Variants in FAM222B observed in about 807,000 individuals in gnomAD.
The protein encoded by FAM222B is family with sequence similarity 222 member B.
Under a neutral mutation model 38.0 loss-of-function variants are expected in FAM222B, and 12 were observed. That is an observed-to-expected ratio of 0.32 (90% confidence interval 0.20 to 0.51). FAM222B has a LOEUF of 0.51. FAM222B is among the 20% of genes least tolerant of loss of function. FAM222B has a pLI of 0.97. For missense variants in FAM222B, 716 were observed against 754.2 expected (o/e 0.95, Z 0.59); for synonymous variants, 329 against 317.2 (o/e 1.04, Z -0.40).
intron 1 of FAM222B, among the ~76,000 whole-genome samples, chr17:28,835,858 A>G (rs1204355088): frequency 6.6e-6 from 1 of 151,476 alleles, no homozygotes; most frequent in Non-Finnish European, 1.5e-5. Context: ...ATTTTTTTGT[A>G]AAGAGAGGGT....
At chr17:28,777,909 C>T (rs866934739) in intron 1 of FAM222B, among the ~76,000 whole-genome samples, 10 of 151,446 alleles carry the variant, frequency 6.6e-5, no homozygotes, top group African/African-American at 2.4e-4. Context: ...CAACTTCAGC[C>T]TCCTGAGTAG....
At chr17:28,839,115 G>C (rs554279229) in intron 1 of FAM222B, among the ~76,000 whole-genome samples, 1 of 152,200 alleles carries the variant, frequency 6.6e-6, no homozygotes, top group East Asian at 1.9e-4. Flanking sequence ...GCTGAGGCAG[G>C]AGAATGGCGA....
chr17:28,804,482 G>A lies in FAM222B; in HGVS notation c.-40-37775C>T, dbSNP rs190679461. On this transcript the variant is annotated intron_variant, in intron 1 of 2. Coordinates refer to ENST00000581407, the MANE Select transcript of FAM222B (RefSeq NM_001077498.3). ...CCCGAGTAGCTGGGACTACAGGCAC[G>A]CGCCACCACGCCCAGCTAACTTTTG... 3.6e-3 allele frequency among the ~76,000 whole-genome samples: 549 copies of A among 151,958 alleles called. 3 individuals are homozygous for A. The highest frequency in any genetic ancestry group is 0.013 in the African/African-American group (534 of 41,448).
intron 1 of FAM222B, among the ~76,000 whole-genome samples, chr17:28,801,350 G>A (rs1157403177): frequency 6.6e-6 from 1 of 151,470 alleles, no homozygotes; most frequent in Non-Finnish European, 1.5e-5. Context: ...CTACTCAGGA[G>A]GCTGAGGCAG....
chr17:28,800,346 T>C (rs1428560760), intron 1 of FAM222B, among the ~76,000 whole-genome samples: 1 of 152,200 alleles, frequency 6.6e-6, no homozygotes, highest in African/African-American at 2.4e-5. Context: ...CTTTCTTAAC[T>C]AGTTGTGAGG....
At chr17:28,764,745 T>TA (rs1190420869) in intron 2 of FAM222B, among the ~76,000 whole-genome samples, 4 of 151,060 alleles carry the variant, frequency 2.6e-5, no homozygotes, top group African/African-American at 9.7e-5. Context: ...AAACTCTATC[T>TA]AAAAAAAATA....
In FAM222B at chr17:28,828,095, A is replaced by ATTTTTTT. The variant is rs528492764; in HGVS notation, c.-41+14580_-41+14586dup. Among the ~76,000 whole-genome samples, 18 of 74,692 alleles carry ATTTTTTT rather than the reference A, an allele frequency of 2.4e-4. 1 individual carries two copies. Among genetic ancestry groups the ATTTTTTT allele is most frequent in the African/African-American group, 6.1e-4 (9 of 14,662 alleles). The allele number at this position is 74,692 out of a possible 152,430, so 49.0% of individuals were successfully genotyped here. On this transcript the variant is annotated intron_variant, in intron 1 of 2. Transcript: ENST00000581407. ...TAAGGAGAAATCAAGATCAAATCCA[A>ATTTTTTT]TTTTTTTTTTTTTTTTTTTTTTTTT...
intron 1 of FAM222B, chr17:28,777,062 G>A (rs1041557304): frequency 2.0e-5 from 3 of 152,120 alleles, no homozygotes; most frequent in African/African-American, 7.2e-5. Flanking sequence ...ATAATGTTTA[G>A]CCATTGCTCA....
intron 1 of FAM222B, among the ~76,000 whole-genome samples, chr17:28,793,321 T>A (rs927466930): frequency 1.3e-5 from 2 of 152,176 alleles, no homozygotes; most frequent in Non-Finnish European, 2.9e-5. Flanking sequence ...AACTCTCTTA[T>A]ATTTTAAAAG....
intron 1 of FAM222B, among the ~76,000 whole-genome samples, chr17:28,782,182 T>C (rs1177383048): frequency 6.6e-6 from 1 of 151,956 alleles, no homozygotes; most frequent in Non-Finnish European, 1.5e-5. Context: ...ATTAGCTGGG[T>C]GTGTTGGCAC....
At chr17:28,807,371 T>C (rs1472462408) in intron 1 of FAM222B, among the ~76,000 whole-genome samples, 1 of 151,786 alleles carries the variant, frequency 6.6e-6, no homozygotes, top group East Asian at 1.9e-4. Flanking sequence ...CTTGTTTTTG[T>C]GTGTGTGTTT....
intron 1 of FAM222B, among the ~76,000 whole-genome samples, chr17:28,790,884 C>CAAT (rs71135852): frequency 1.2e-5 from 1 of 86,062 alleles, no homozygotes; most frequent in African/African-American, 4.6e-5. Context: ...AATTGTTTCA[C>CAAT]TTTTTTTTTT....
chr17:28,853,945 T>TC (rs1461195027), intron 1 of FAM222B, among the ~76,000 whole-genome samples: 1 of 147,200 alleles, frequency 6.8e-6, no homozygotes, highest in African/African-American at 2.5e-5. Context: ...CTGTTTCTTT[T>TC]TTTTTTTTTT....
chr17:28,830,676 C>T (rs2038634841), intron 1 of FAM222B, among the ~76,000 whole-genome samples: 1 of 151,774 alleles, frequency 6.6e-6, no homozygotes. Flanking sequence ...AGGATTTTCT[C>T]TTATCTTCTT....
At chr17:28,771,227 G>A (rs1166970234) in intron 1 of FAM222B, among the ~76,000 whole-genome samples, 1 of 151,872 alleles carries the variant, frequency 6.6e-6, no homozygotes. Context: ...CATCGGATCT[G>A]GAATATTACT....
Position 28,759,439 on chromosome 17 carries a change from G to A in FAM222B, c.520C>T (p.His174Tyr). ...TGGGGTGGCGGGATACCCTGAGGGT[G>A]CTGCAGCGTCTGGGGAGGGGCATGG... is the stretch of plus-strand genomic sequence containing the variant. ...LAHAPPQTLQHPQGIPPPQAL... is the reference protein window; with the variant it reads ...LAHAPPQTLQYPQGIPPPQAL... The change falls in exon 3 of 3, where the codon CAC becomes TAC. Residue 174 changes from histidine (H) to tyrosine (Y), a missense_variant. His to Tyr is a moderately conservative substitution (Grantham distance 83). Coordinates refer to ENST00000581407, the MANE Select transcript of FAM222B (RefSeq NM_001077498.3). The surrounding 1 kb of genome is among the most constrained non-coding windows in gnomAD (Gnocchi z 4.8). 1.9e-6 allele frequency: 3 copies of A among 1,577,214 alleles called. No homozygotes were observed. Among genetic ancestry groups the A allele is most frequent in the Non-Finnish European group, 1.7e-6 (2 of 1,163,464 alleles).
intron 1 of FAM222B, among the ~76,000 whole-genome samples, chr17:28,836,414 C>T (rs912236151): frequency 3.3e-5 from 5 of 151,962 alleles, no homozygotes; most frequent in Admixed American, 6.6e-5. Context: ...GGCCATGAGG[C>T]GGGCTTGTAG....
intron 1 of FAM222B, among the ~76,000 whole-genome samples, chr17:28,849,874 G>A (rs1049686518): frequency 3.3e-5 from 5 of 152,032 alleles, no homozygotes. Context: ...CTGAGATTGG[G>A]AGTTCGAGAC....
chr17:28,784,364 G>A (rs1335172759), intron 1 of FAM222B, among the ~76,000 whole-genome samples: 1 of 151,272 alleles, frequency 6.6e-6, no homozygotes, highest in East Asian at 1.9e-4. Context: ...TAGTCCCAAC[G>A]ACTTAGGAGG....
Sources: gnomAD v4.1 joint callset for allele counts (sites outside exome capture counted in the v4.1 genomes callset) on GRCh38, gnomAD v4.1.1 for gene constraint, Gnocchi (gnomAD v3.1) non-coding constraint, MANE v1.5 for transcripts, NCBI Gene and HGNC (gene_info 2026-07-23, HGNC 2026-07-21) for gene names.